ACSM1: variants seen among roughly 807,000 people sequenced by gnomAD.
ACSM1 encodes the protein acyl-CoA synthetase medium chain family member 1.
Under a neutral mutation model 75.8 loss-of-function variants are expected in ACSM1, and 79 were observed. The observed-to-expected ratio is 1.04, with a 90% CI of 0.87 to 1.26. The LOEUF (loss-of-function observed/expected upper bound fraction) is 1.26, where lower values mean the gene tolerates loss of function less well. Among genes scored for constraint, ACSM1 ranks in the 50% most tolerant of loss-of-function variants. The pLI, the probability that ACSM1 is intolerant of heterozygous loss-of-function variation, is 0.00. For synonymous variants in ACSM1, 279 were observed against 265.8 expected, an observed-to-expected ratio of 1.05 and a Z score of -0.48; for missense variants, 676 against 720.1, an observed-to-expected ratio of 0.94 and a Z score of 0.70.
intron 5 of ACSM1, 69 bp from the exon 6 acceptor site, chr16:20,670,055 G>A (rs2019811431): frequency 1.3e-6 from 2 of 1,520,770 alleles, no homozygotes; most frequent in Admixed American, 1.8e-5. Context: ...GTGCACTCTG[G>A]TTTTTAGCTA....
At chr16:20,636,971 T>G (rs2017755323) in intron 9 of ACSM1, 131 bp from the exon 10 acceptor site, 2 of 718,106 alleles carry the variant, frequency 2.8e-6, no homozygotes, top group Non-Finnish European at 4.9e-6. Context: ...GAAAATGGAA[T>G]AAAACTGTCA....
rs1469342548 is a variant in ACSM1 at position 20,645,384 on chromosome 16, C to CA, written c.993-4801dup. Among the ~76,000 whole-genome samples, 3 of 152,110 alleles carry CA rather than the reference C, an allele frequency of 2.0e-5. No homozygotes were observed. In the East Asian group the frequency reaches 5.8e-4, roughly 29 times the overall value. On this transcript the variant is annotated intron_variant, in intron 7 of 13. Coordinates refer to ENST00000520010, the MANE Select transcript of ACSM1 (RefSeq NM_001318890.3). Reference sequence around the variant, plus strand: ...CAGATGGGAAACGTTCCCCCCAAGGCAAAAACACCCCTAAGATGTATTCTG... The same window carrying CA: ...CAGATGGGAAACGTTCCCCCCAAGGCAAAAAACACCCCTAAGATGTATTCTG...
chr16:20,680,488 T>C (rs950189571), intron 4 of ACSM1: 1 of 152,236 alleles, frequency 6.6e-6, no homozygotes, highest in Non-Finnish European at 1.5e-5. Context: ...GGGGAACCAG[T>C]GGCCATGGGA....
At chr16:20,624,263 A>G (rs569158803) in intron 12 of ACSM1, 48 bp from the exon 13 acceptor site, 1 of 1,543,638 alleles carries the variant, frequency 6.5e-7, no homozygotes, top group South Asian at 1.2e-5. Flanking sequence ...CCTACTCCAT[A>G]GCTTAAAAAG....
chr16:20,671,966 G>A (rs550146044), intron 4 of ACSM1, among the ~76,000 whole-genome samples: 1 of 152,188 alleles, frequency 6.6e-6, no homozygotes, highest in East Asian at 1.9e-4. Context: ...GTAATCTAAT[G>A]AACATTTGAA....
chr16:20,644,880 CTAGTCCA>C (rs1319119873), intron 7 of ACSM1, among the ~76,000 whole-genome samples: 2 of 152,186 alleles, frequency 1.3e-5, no homozygotes, highest in Non-Finnish European at 2.9e-5. Flanking sequence ...TTCCTTATGT[CTAGTCCA>C]TAGACATAAA....
chr16:20,679,407 T>C (rs1004607963), intron 4 of ACSM1: 6 of 152,190 alleles, frequency 3.9e-5, no homozygotes, highest in Non-Finnish European at 5.9e-5. Flanking sequence ...GGAAGCTGAC[T>C]AGTCTACACA....
intron 7 of ACSM1, among the ~76,000 whole-genome samples, chr16:20,647,812 T>G (rs2018444142): frequency 6.6e-6 from 1 of 152,202 alleles, no homozygotes; most frequent in African/African-American, 2.4e-5. Flanking sequence ...CTCTGGAATG[T>G]GTCTAGACTT....
chr16:20,623,445 A>T lies in ACSM1; in HGVS notation c.*41T>A. 6.3e-7 allele frequency: 1 copy of T among 1,586,026 alleles called. No individual in the cohort carries two copies. Among genetic ancestry groups the T allele is most frequent in the South Asian group, 1.1e-5 (1 of 90,298 alleles). On this transcript the variant is annotated 3_prime_UTR_variant, in exon 14 of 14. Coordinates refer to ENST00000520010, the MANE Select transcript of ACSM1 (RefSeq NM_001318890.3). ...AGTGGGGAGACTAAAGTGGCCAGGG[A>T]TTTGCCTTAGGTGTGCAGTGCGTTC...
intron 6 of ACSM1, 97 bp from the exon 7 acceptor site, chr16:20,661,970 G>A (rs1421202922): frequency 1.4e-6 from 1 of 690,800 alleles, no homozygotes; most frequent in African/African-American, 1.8e-5. Context: ...CACTAGAAGA[G>A]CCCATTTGTT....
At chr16:20,660,563 A>G (rs2019244188) in intron 7 of ACSM1, among the ~76,000 whole-genome samples, 1 of 152,224 alleles carries the variant, frequency 6.6e-6, no homozygotes, top group Admixed American at 6.5e-5. Context: ...GACCAAGGCC[A>G]TCATGTGAGG....
chr16:20,650,185 C>T (rs547649178), intron 7 of ACSM1, among the ~76,000 whole-genome samples: 11 of 152,190 alleles, frequency 7.2e-5, no homozygotes, highest in East Asian at 1.9e-4. Flanking sequence ...ATTCTAGTTC[C>T]GAGATGCATT....
At chr16:20,634,758 A>G (rs754075357) in intron 10 of ACSM1, among the ~76,000 whole-genome samples, 5 of 152,178 alleles carry the variant, frequency 3.3e-5, no homozygotes, top group Non-Finnish European at 4.4e-5. Flanking sequence ...TTTTCTGAAG[A>G]TGGGTAATCG....
intron 7 of ACSM1, among the ~76,000 whole-genome samples, chr16:20,659,186 G>C (rs749631521): frequency 6.6e-6 from 1 of 151,944 alleles, no homozygotes; most frequent in Non-Finnish European, 1.5e-5. Flanking sequence ...TTAAACTCCA[G>C]GTCTTCCCCC....
At chr16:20,682,773 A>G (rs2079473637) in intron 3 of ACSM1, among the ~76,000 whole-genome samples, 1 of 152,224 alleles carries the variant, frequency 6.6e-6, no homozygotes, top group African/African-American at 2.4e-5. Context: ...ACACATTTAC[A>G]CAGGATCTGG....
At chr16:20,692,535 A>G (rs577290066) in intron 1 of ACSM1, among the ~76,000 whole-genome samples, 4 of 152,270 alleles carry the variant, frequency 2.6e-5, no homozygotes, top group Admixed American at 6.5e-5. Flanking sequence ...CAGACGTCAG[A>G]GAGAGAGCAG....
chr16:20,636,797 C>A lies in ACSM1; in HGVS notation c.1241G>T (p.Gly414Val). The A allele has an allele frequency of 1.9e-6, 3 of 1,614,030 alleles. No homozygotes were observed. In the South Asian group the frequency reaches 3.3e-5, roughly 18 times the overall value. ...KGSILPPNTEGNIGIRIKPVR... is the reference protein window; with the variant it reads ...KGSILPPNTEVNIGIRIKPVR... ...AGGTTTGATTCTGATGCCAATGTTT[C>A]CTTCTGTGTTAGGTGGCAGGATGCT... Residue 414 changes from glycine to valine, a missense_variant, in exon 10 of 14, where the codon GGA (glycine) becomes GTA (valine). Gly to Val is a moderately radical substitution (Grantham distance 109). Coordinates refer to ENST00000520010, the MANE Select transcript of ACSM1 (RefSeq NM_001318890.3).
At position 20,635,172 on chromosome 16, in the gene ACSM1, G is replaced by T. The variant is rs375744395; in HGVS notation, c.1299+1567C>A. Among the ~76,000 whole-genome samples, 143 of 152,174 alleles carry T rather than the reference G, an allele frequency of 9.4e-4. 5 individuals are homozygous for T. The South Asian group carries it at 0.028, about 30-fold the overall frequency. On this transcript the variant is annotated intron_variant, in intron 10 of 13. Transcript: ENST00000520010. The stretch of plus-strand genomic sequence containing the variant: ...CACTTTGGGAGGCTGAGGCAGGGGG[G>T]TTACTTGTGCCCAGGAGTTTGAAAG...
Position 20,623,490 on chromosome 16 carries a change from A to T in ACSM1, c.1730T>A (p.Met577Lys). 6.2e-7 allele frequency: 1 copy of T among 1,614,074 alleles called. No homozygotes were observed. Among genetic ancestry groups the T allele is most frequent in the Non-Finnish European group, 8.5e-7 (1 of 1,179,960 alleles). The change falls in exon 14 of 14, where the codon ATG becomes AAG. Residue 577 changes from methionine to lysine, a missense_variant. Physicochemically the swap from Met to Lys is moderately conservative, Grantham distance 95. Transcript: ENST00000520010. ...KELRKKETGQ[M>K] ...GCGTTCTGAGTTCACTGCCGATTAC[A>T]TCTGACCAGTCTCCTTTTTCCGAAG... is the stretch of plus-strand genomic sequence containing the variant.
Sources: allele counts gnomAD v4.1 joint callset (sites outside exome capture counted in the v4.1 genomes callset), GRCh38; gene constraint gnomAD v4.1.1; transcripts MANE v1.5; gene names NCBI Gene and HGNC (gene_info 2026-07-23, HGNC 2026-07-21).